TFEC: variants seen among roughly 807,000 people sequenced by gnomAD.
TFEC encodes class E basic helix-loop-helix protein 34.
A neutral mutation model predicts 41.6 loss-of-function variants in TFEC; 31 were observed. That is an observed-to-expected ratio of 0.74 (90% CI 0.56 to 1.01). The LOEUF (loss-of-function observed/expected upper bound fraction) is 1.01. Among genes scored for constraint, TFEC ranks in the 50% least tolerant of loss-of-function variants. The probability of loss-of-function intolerance (pLI) is 0.00; values close to 1 mark genes in which losing one functional copy is unlikely to be tolerated. For missense variants in TFEC, 402 were observed against 404.1 expected (o/e 0.99, Z 0.04); for synonymous variants, 143 against 140.6 (o/e 1.02, Z -0.12).
intron 6 of TFEC, among the ~76,000 whole-genome samples, chr7:115,944,013 ATT>A (rs1160114562): frequency 1.8e-3 from 41 of 22,834 alleles, no homozygotes; most frequent in African/African-American, 3.1e-3. Context: ...ACAGGTCTGA[ATT>A]TTTTTTTTTT....
At chr7:116,129,526 A>G (rs976837244) in intron 1 of TFEC, among the ~76,000 whole-genome samples, 3 of 151,864 alleles carry the variant, frequency 2.0e-5, no homozygotes, top group Admixed American at 6.6e-5. Flanking sequence ...AGCAAAATCT[A>G]GAAAACAACC....
intron 3 of TFEC, among the ~76,000 whole-genome samples, chr7:116,070,207 G>C (rs115384201): frequency 0.014 from 2,165 of 151,194 alleles, 47 homozygotes; most frequent in African/African-American, 0.049. Context: ...CAAAATTTCC[G>C]AAGAAATTCA....
At chr7:115,988,748 A>C (rs1201762308) in intron 1 of TFEC, among the ~76,000 whole-genome samples, 1 of 152,116 alleles carries the variant, frequency 6.6e-6, no homozygotes, top group Admixed American at 6.5e-5. Flanking sequence ...CAAGCAGAAC[A>C]AATGCCAAAT....
chr7:116,132,593 G>A (rs965304319), intron 1 of TFEC, among the ~76,000 whole-genome samples: 29 of 152,156 alleles, frequency 1.9e-4, no homozygotes, highest in Non-Finnish European at 2.4e-4. Context: ...ACTGACTAGC[G>A]GTTTGGTGCC....
chr7:116,127,252 C>G (rs971597550), intron 1 of TFEC, among the ~76,000 whole-genome samples: 2 of 151,948 alleles, frequency 1.3e-5, no homozygotes, highest in Non-Finnish European at 2.9e-5. Flanking sequence ...CCCGCCACCA[C>G]GCCCAGCTAA....
At position 116,055,596 on chromosome 7, in the gene TFEC, T is replaced by C. The variant is rs372000037; in HGVS notation, c.198+55112A>G. Among the ~76,000 whole-genome samples, 10 of 152,164 alleles carry C rather than the reference T, an allele frequency of 6.6e-5. No individual in the cohort carries two copies. In the East Asian group the frequency reaches 1.9e-3, roughly 29 times the overall value. On this transcript the variant is annotated intron_variant, in intron 3 of 8. Transcript: ENST00000484212. ...TGGATTATATATTACAAAAATATTTTGATAGATATTTCATAAAATTTAAAC... is the reference window on the plus strand; with the variant it reads ...TGGATTATATATTACAAAAATATTTCGATAGATATTTCATAAAATTTAAAC...
rs564884877 is a variant in TFEC, at chr7:116,147,993, C to T, written c.-69+11797G>A. On this transcript the variant is annotated intron_variant, in intron 1 of 8. Coordinates refer to the TFEC transcript ENST00000484212. ...AAATATGCTGTGAAAGGAATGGACC[C>T]AGATAAGGGAAGTAAGATTGACAAG... 5.3e-5 allele frequency among the ~76,000 whole-genome samples: 8 copies of T among 152,122 alleles called. No homozygotes were observed. The South Asian group carries it at 1.7e-3, about 32-fold the overall frequency.
chr7:115,940,509 A>G lies in TFEC; in HGVS notation c.*42T>C. ...CAGAGCATAATTGCATAGCACCAGCATAGAATTGCTTTCCAGTTGATGAAT... is the reference window on the plus strand; with the variant it reads ...CAGAGCATAATTGCATAGCACCAGCGTAGAATTGCTTTCCAGTTGATGAAT... On this transcript the variant is annotated 3_prime_UTR_variant, in exon 8 of 8. Transcript: ENST00000265440. 2 of 1,561,270 alleles carry G rather than the reference A, an allele frequency of 1.3e-6. No homozygotes were observed. The highest frequency in any genetic ancestry group is 1.7e-6 in the Non-Finnish European group (2 of 1,152,534).
chr7:115,942,583 A>G (rs1377961017), intron 6 of TFEC, among the ~76,000 whole-genome samples: 1 of 152,102 alleles, frequency 6.6e-6, no homozygotes, highest in Admixed American at 6.6e-5. Context: ...TTTATGTAAT[A>G]GAGCAAACTT....
At chr7:115,963,844 A>G (rs1427818567) in intron 3 of TFEC, among the ~76,000 whole-genome samples, 4 of 151,642 alleles carry the variant, frequency 2.6e-5, no homozygotes, top group African/African-American at 7.2e-5. Context: ...GATAGTGGTG[A>G]TGGTTATACA....
chr7:116,052,621 G>C (rs1037421318), intron 3 of TFEC, among the ~76,000 whole-genome samples: 3 of 151,740 alleles, frequency 2.0e-5, no homozygotes, highest in Non-Finnish European at 4.4e-5. Context: ...TAGAAACAGG[G>C]CTTCACCATG....
chr7:115,946,700 T>C (rs1562879244), intron 6 of TFEC, among the ~76,000 whole-genome samples: 2 of 150,702 alleles, frequency 1.3e-5, no homozygotes, highest in East Asian at 2.0e-4. Context: ...TTTCTCTTCT[T>C]TTCTTTTCTT....
chr7:116,091,694 A>G (rs991611900), intron 3 of TFEC, among the ~76,000 whole-genome samples: 1 of 152,160 alleles, frequency 6.6e-6, no homozygotes, highest in East Asian at 1.9e-4. Context: ...TTTTAAATAA[A>G]TAAAAATAAC....
At position 116,013,159 on chromosome 7, in the gene TFEC, T is replaced by A. The variant is rs1025917760; in HGVS notation, c.-73+17474A>T. 4.6e-5 allele frequency among the ~76,000 whole-genome samples: 7 copies of A among 152,270 alleles called. No individual in the cohort carries two copies. The East Asian group carries it at 1.2e-3, about 25-fold the overall frequency. On this transcript the variant is annotated intron_variant, in intron 1 of 7. Coordinates refer to ENST00000265440, the MANE Select transcript of TFEC (RefSeq NM_012252.4). ...CAATTTTGGTAGATAAAACCAGTAT[T>A]TCTGAGTAAAAGGTAAAATATACCT...
chr7:115,989,458 C>CG (rs1316245355), intron 1 of TFEC, among the ~76,000 whole-genome samples: 2 of 152,146 alleles, frequency 1.3e-5, no homozygotes, highest in African/African-American at 4.8e-5. Flanking sequence ...TCGCCTCACC[C>CG]GGGAAGCATA....
chr7:116,089,733 T>A lies in TFEC; in HGVS notation c.198+20975A>T, dbSNP rs181327733. Among the ~76,000 whole-genome samples the A allele has an allele frequency of 2.0e-5, 3 of 152,236 alleles. No individual in the cohort carries two copies. In the East Asian group the frequency reaches 5.8e-4, roughly 29 times the overall value. On this transcript the variant is annotated intron_variant, in intron 3 of 8. Transcript: ENST00000484212. The stretch of plus-strand genomic sequence containing the variant: ...TGAGGGTGCAAAAGACAAAGGAAAG[T>A]ATCTCTGGAGAAATACTATTGAAAC...
chr7:116,032,124 C>T (rs1795799192), upstream of TFEC, among the ~76,000 whole-genome samples: 1 of 152,010 alleles, frequency 6.6e-6, no homozygotes, highest in Admixed American at 6.6e-5. Flanking sequence ...ATGTGGGCTT[C>T]AAAAGTTGGA....
At chr7:115,968,180 C>T in intron 3 of TFEC, 1 of 1,525,250 alleles carries the variant, frequency 6.6e-7, no homozygotes, top group Non-Finnish European at 8.8e-7. Flanking sequence ...AATATACTTG[C>T]TCACCAGTTT....
At chr7:115,954,522 C>G (rs371118966) in intron 5 of TFEC, 64 bp downstream of exon 5, 10 of 1,364,418 alleles carry the variant, frequency 7.3e-6, no homozygotes, top group Non-Finnish European at 1.0e-5. Context: ...AATAAAAGAC[C>G]ACACACCTTA....
Sources: allele counts gnomAD v4.1 joint callset (sites outside exome capture counted in the v4.1 genomes callset), GRCh38; gene constraint gnomAD v4.1.1; transcripts MANE v1.5; gene names NCBI Gene and HGNC (gene_info 2026-07-23, HGNC 2026-07-21).